The following RFX4 variants were observed in gnomAD, a reference collection of about 807,000 sequenced individuals.
RFX4 encodes regulatory factor X4.
RFX4 carries 10 observed loss-of-function variants against 95.0 expected under a neutral mutation model. The observed-to-expected ratio is 0.11, with a 90% CI of 0.06 to 0.18. The LOEUF (loss-of-function observed/expected upper bound fraction) is 0.18. RFX4 is among the 10% of genes least tolerant of loss of function. The pLI, the probability that RFX4 is intolerant of heterozygous loss-of-function variation, is 1.00. For synonymous variants in RFX4, 321 were observed against 340.7 expected (o/e 0.94, Z 0.64); for missense variants, 640 against 922.0 (o/e 0.69, Z 3.96).
At chr12:106,732,610 G>C (rs2042634376) in intron 14 of RFX4, among the ~76,000 whole-genome samples, 2 of 152,154 alleles carry the variant, frequency 1.3e-5, no homozygotes, top group South Asian at 2.1e-4. Flanking sequence ...TGAGGCACGA[G>C]AATCACTTGA....
intron 5 of RFX4, chr12:106,684,725 T>C (rs2041603992): frequency 1.3e-6 from 2 of 1,508,362 alleles, no homozygotes; most frequent in Non-Finnish European, 1.8e-6. Flanking sequence ...AAGGCAGTTA[T>C]GACAGTTGAG....
At position 106,682,861 on chromosome 12, in the gene RFX4, A is replaced by T. The variant is rs1273963263; in HGVS notation, c.377+807A>T. Reference sequence around the variant, plus strand: ...GACCTTCATTAAAATCTGCATTTATAGGACTTGCCTCTAAGGATGTTTCAA... The same window carrying T: ...GACCTTCATTAAAATCTGCATTTATTGGACTTGCCTCTAAGGATGTTTCAA... On this transcript the variant is annotated intron_variant, in intron 5 of 17. Transcript: ENST00000392842. 3 of 152,354 alleles carry T rather than the reference A, an allele frequency of 2.0e-5. No individual in the cohort carries two copies. In the East Asian group the frequency reaches 5.8e-4, roughly 29 times the overall value. 9.4% of individuals were successfully genotyped at this position (152,354 alleles called of 1,614,324 possible). A position where few individuals can be genotyped will look rare whatever the true frequency, so the allele number is the denominator to read the frequency against.
intron 17 of RFX4, among the ~76,000 whole-genome samples, chr12:106,760,027 T>C (rs1378842794): frequency 7.9e-5 from 12 of 152,020 alleles, no homozygotes; most frequent in Non-Finnish European, 1.6e-4. Flanking sequence ...CATAACCCCT[T>C]CTCCCTGCTG....
At chr12:106,753,804 A>C (rs2043058085) in intron 17 of RFX4, among the ~76,000 whole-genome samples, 1 of 152,210 alleles carries the variant, frequency 6.6e-6, no homozygotes, top group Admixed American at 6.5e-5. Context: ...TGGCGTCAGC[A>C]TGAACAATAG....
intron 15 of RFX4, among the ~76,000 whole-genome samples, chr12:106,742,820 T>TC (rs2042829508): frequency 6.6e-6 from 1 of 152,242 alleles, no homozygotes; most frequent in African/African-American, 2.4e-5. Context: ...GAGGTAATAC[T>TC]ACTTACCTCA....
At chr12:106,692,080 C>A (rs1454599405) in intron 7 of RFX4, among the ~76,000 whole-genome samples, 1 of 151,822 alleles carries the variant, frequency 6.6e-6, no homozygotes, top group African/African-American at 2.4e-5. Context: ...TCGCTTGAAC[C>A]CAGGAGGCGG....
chr12:106,623,037 C>CTTTT (rs143790292), intron 2 of RFX4, among the ~76,000 whole-genome samples: 1 of 120,362 alleles, frequency 8.3e-6, no homozygotes, highest in Non-Finnish European at 1.7e-5. Flanking sequence ...CAGCATTAGT[C>CTTTT]TTTTTTTTTT....
chr12:106,611,903 A>G (rs546123885), intron 2 of RFX4, among the ~76,000 whole-genome samples: 2 of 152,328 alleles, frequency 1.3e-5, no homozygotes, highest in Non-Finnish European at 2.9e-5. Flanking sequence ...ATGTCTTGGC[A>G]CCATTGTCAA....
chr12:106,733,192 C>A, intron 15 of RFX4, 107 bp downstream of exon 15: 1 of 1,275,330 alleles, frequency 7.8e-7, no homozygotes, highest in Non-Finnish European at 1.1e-6. Context: ...CACAAAAAGC[C>A]AGACATCTTG....
intron 2 of RFX4, among the ~76,000 whole-genome samples, chr12:106,616,073 T>C (rs1171233636): frequency 1.3e-5 from 2 of 152,220 alleles, no homozygotes; most frequent in East Asian, 3.8e-4. Flanking sequence ...TGTTTCACCA[T>C]TAGGTGAGAT....
chr12:106,589,708 G>A (rs2039511224), intron 1 of RFX4, among the ~76,000 whole-genome samples: 1 of 152,160 alleles, frequency 6.6e-6, no homozygotes, highest in Admixed American at 6.5e-5. Flanking sequence ...GGCTTTAGGT[G>A]GATTTGAATC....
intron 8 of RFX4, among the ~76,000 whole-genome samples, chr12:106,707,077 A>G (rs1017892692): frequency 1.3e-5 from 2 of 152,340 alleles, no homozygotes; most frequent in South Asian, 4.1e-4. Context: ...GGAATATAAT[A>G]TATTAAACTG....
chr12:106,711,572 T>A, intron 10 of RFX4, 61 bp downstream of exon 10: 1 of 1,453,464 alleles, frequency 6.9e-7, no homozygotes, highest in Admixed American at 1.7e-5. Flanking sequence ...AGGGGGCAAA[T>A]CCACAAAAAC....
At chr12:106,732,287 A>T in intron 14 of RFX4, 38 bp downstream of exon 14, 1 of 1,610,488 alleles carries the variant, frequency 6.2e-7, no homozygotes, top group South Asian at 1.1e-5. Context: ...ACCACTTGGT[A>T]ATGTTATTTG....
At chr12:106,689,216 G>C in intron 6 of RFX4, 71 bp from the exon 7 acceptor site, 1 of 1,301,656 alleles carries the variant, frequency 7.7e-7, no homozygotes, top group Non-Finnish European at 1.1e-6. Context: ...CTTAAAAACT[G>C]AAAGTCCAAG....
In RFX4 at chr12:106,608,778, T is replaced by C; in HGVS notation, c.44-19T>C. On this transcript the variant is annotated intron_variant, in intron 1 of 17. Coordinates refer to ENST00000392842, the MANE Select transcript of RFX4 (RefSeq NM_213594.3). ...TTTTCTTTTTCTTTTCTTTCTTTCT[T>C]TCTTTTTTTTTTTTTTAGAGAGCTG... 6.5e-7 allele frequency: 1 copy of C among 1,549,826 alleles called. No individual in the cohort carries two copies. Among genetic ancestry groups the C allele is most frequent in the East Asian group, 2.3e-5 (1 of 44,344 alleles).
intron 4 of RFX4, among the ~76,000 whole-genome samples, chr12:106,669,111 C>A (rs1334776479): frequency 6.6e-6 from 1 of 152,182 alleles, no homozygotes; most frequent in Non-Finnish European, 1.5e-5. Flanking sequence ...TGAGTTTAAT[C>A]TATTAAGGAG....
Position 106,583,227 on chromosome 12 carries a change from T to G in RFX4, c.-94T>G. ...GCGTCTCTCTCTCTCCCCTTCTCCC[T>G]CCCTCCCTCCCTTCCTCCCTGGGCA... On this transcript the variant is annotated 5_prime_UTR_variant, in exon 1 of 18. Coordinates refer to ENST00000392842, the MANE Select transcript of RFX4 (RefSeq NM_213594.3). The G allele has an allele frequency of 2.3e-6, 1 of 444,312 alleles. No homozygotes were observed. Among genetic ancestry groups the G allele is most frequent in the Non-Finnish European group, 4.3e-6 (1 of 232,766 alleles). The allele number at this position is 444,312 out of a possible 1,614,324, so 27.5% of individuals were successfully genotyped here. A position where few individuals can be genotyped will look rare whatever the true frequency, so the allele number is the denominator to read the frequency against.
In RFX4 at chr12:106,634,033, T is replaced by C. The variant is rs143523293; in HGVS notation, c.131-5299T>C. On this transcript the variant is annotated intron_variant, in intron 2 of 17. Coordinates refer to ENST00000392842, the MANE Select transcript of RFX4 (RefSeq NM_213594.3). ...CCCTCACATGTTTTAAGTGTAGATATGCATGTGCTTGTGTGTGAAAGAACC... is the reference window on the plus strand; with the variant it reads ...CCCTCACATGTTTTAAGTGTAGATACGCATGTGCTTGTGTGTGAAAGAACC... 2.7e-3 allele frequency among the ~76,000 whole-genome samples: 404 copies of C among 152,298 alleles called. 2 individuals carry two copies. The highest frequency in any genetic ancestry group is 9.1e-3 in the African/African-American group (380 of 41,564).
Sources: allele counts gnomAD v4.1 joint callset (sites outside exome capture counted in the v4.1 genomes callset), GRCh38; gene constraint gnomAD v4.1.1; transcripts MANE v1.5; gene names NCBI Gene and HGNC (gene_info 2026-07-23, HGNC 2026-07-21).